SOX5: variants seen among roughly 807,000 people sequenced by gnomAD.
SOX5 encodes the protein transcription factor SOX-5.
Under a neutral mutation model 92.0 loss-of-function variants are expected in SOX5, and 9 were observed. That is an observed-to-expected ratio of 0.10 (90% CI 0.06 to 0.17). The LOEUF (loss-of-function observed/expected upper bound fraction) is 0.17. Among genes scored for constraint, SOX5 ranks in the 10% least tolerant of loss-of-function variants. The pLI is 1.00. For missense variants in SOX5, 642 were observed against 944.5 expected, an observed-to-expected ratio of 0.68 and a Z score of 4.20; for synonymous variants, 344 against 336.3, an observed-to-expected ratio of 1.02 and a Z score of -0.25.
At chr12:24,036,917 C>T (rs906033963) in intron 4 of SOX5, among the ~76,000 whole-genome samples, 2 of 152,106 alleles carry the variant, frequency 1.3e-5, no homozygotes, top group Non-Finnish European at 2.9e-5. Context: ...TTAACACACA[C>T]ATTCCATTCT....
chr12:23,854,456 T>C (rs2096666270), intron 2 of SOX5, among the ~76,000 whole-genome samples: 1 of 152,118 alleles, frequency 6.6e-6, no homozygotes, highest in South Asian at 2.1e-4. Context: ...TACAGTTATA[T>C]ATAATTGTAT....
intron 1 of SOX5, among the ~76,000 whole-genome samples, chr12:24,406,956 G>T (rs1213009268): frequency 2.0e-5 from 3 of 152,166 alleles, no homozygotes; most frequent in African/African-American, 7.2e-5. Flanking sequence ...ATGGGCAAAA[G>T]AGTTTCTTTC....
At chr12:24,168,766 C>T (rs1414567123) in intron 4 of SOX5, among the ~76,000 whole-genome samples, 3 of 152,132 alleles carry the variant, frequency 2.0e-5, no homozygotes, top group Admixed American at 6.5e-5. Context: ...ATAAACCAAA[C>T]GCCCACGGTG....
intron 8 of SOX5, among the ~76,000 whole-genome samples, chr12:23,613,883 T>C (rs1398279181): frequency 6.6e-6 from 1 of 152,002 alleles, no homozygotes; most frequent in African/African-American, 2.4e-5. Flanking sequence ...AATTAGGAAG[T>C]TAGTGTTTAA....
chr12:23,595,482 G>C (rs932614873), intron 9 of SOX5, among the ~76,000 whole-genome samples: 1 of 151,918 alleles, frequency 6.6e-6, no homozygotes, highest in African/African-American at 2.4e-5. Flanking sequence ...AATCAGCTGG[G>C]CGTGGTGGCA....
intron 2 of SOX5, among the ~76,000 whole-genome samples, chr12:24,316,153 C>T (rs1033143880): frequency 6.6e-6 from 1 of 152,200 alleles, no homozygotes; most frequent in Non-Finnish European, 1.5e-5. Flanking sequence ...ACATCAGGAA[C>T]ATGCCAGGAA....
intron 4 of SOX5, among the ~76,000 whole-genome samples, chr12:24,187,397 T>G (rs1345671932): frequency 6.6e-6 from 1 of 152,186 alleles, no homozygotes; most frequent in East Asian, 1.9e-4. Context: ...AATATTAAGA[T>G]GCTGAAAGCA....
chr12:24,482,146 C>T (rs1946063736), intron 1 of SOX5, among the ~76,000 whole-genome samples: 1 of 152,172 alleles, frequency 6.6e-6, no homozygotes, highest in Non-Finnish European at 1.5e-5. Context: ...CTTAAGGCAA[C>T]AGGAGAAGTA....
intron 8 of SOX5, among the ~76,000 whole-genome samples, chr12:23,611,546 C>T (rs193172716): frequency 1.3e-5 from 2 of 152,146 alleles, no homozygotes; most frequent in African/African-American, 4.8e-5. Context: ...CCTTTGGATA[C>T]ATGCCCAGAA....
intron 10 of SOX5, among the ~76,000 whole-genome samples, chr12:23,571,800 T>A (rs901584753): frequency 8.5e-5 from 13 of 152,188 alleles, no homozygotes; most frequent in Non-Finnish European, 1.8e-4. Context: ...ACACACAGGC[T>A]CTTTAGGTCT....
chr12:23,798,117 C>T (rs2095598012), intron 3 of SOX5, among the ~76,000 whole-genome samples: 1 of 151,668 alleles, frequency 6.6e-6, no homozygotes, highest in Admixed American at 6.6e-5. Context: ...TCCTATATTG[C>T]TTATTGTTAT....
intron 4 of SOX5, among the ~76,000 whole-genome samples, chr12:24,104,729 T>C (rs888440029): frequency 6.6e-6 from 1 of 152,242 alleles, no homozygotes; most frequent in African/African-American, 2.4e-5. Flanking sequence ...GAAATGTCTC[T>C]GCCAAAGGGC....
Position 24,503,441 on chromosome 12 carries a change from C to G in SOX5, c.-251+58888G>C, listed in dbSNP as rs10842362. On this transcript the variant is annotated intron_variant, in intron 1 of 4. Coordinates refer to the SOX5 transcript ENST00000446891. ...AAGGATAGTGTGAGGAATTATATAA[C>G]GAGGCTGAAAAATCTCACTGTAGAA... Among the ~76,000 whole-genome samples, 349 of 152,078 alleles carry G rather than the reference C, an allele frequency of 2.3e-3. 3 individuals are homozygous for G. Among genetic ancestry groups the G allele is most frequent in the African/African-American group, 8.0e-3 (330 of 41,476 alleles).
chr12:24,458,196 AT>A (rs1328824656), intron 1 of SOX5, among the ~76,000 whole-genome samples: 1 of 152,198 alleles, frequency 6.6e-6, no homozygotes, highest in African/African-American at 2.4e-5. Context: ...CGTATCCTAA[AT>A]TATTTTTAAA....
At chr12:24,446,646 T>C (rs1049254049) in intron 1 of SOX5, among the ~76,000 whole-genome samples, 1 of 152,118 alleles carries the variant, frequency 6.6e-6, no homozygotes, top group Non-Finnish European at 1.5e-5. Context: ...ATAGTGCAAG[T>C]GGGGGTGATT....
At chr12:24,024,747 TACAACC>T (rs1350551159) in intron 4 of SOX5, among the ~76,000 whole-genome samples, 52 of 152,192 alleles carry the variant, frequency 3.4e-4, no homozygotes, top group African/African-American at 1.2e-3. Flanking sequence ...TAAAAGGGAC[TACAACC>T]TTTAATCTCC....
intron 3 of SOX5, among the ~76,000 whole-genome samples, chr12:24,271,833 C>A (rs930983383): frequency 6.6e-6 from 1 of 152,144 alleles, no homozygotes; most frequent in African/African-American, 2.4e-5. Flanking sequence ...TCTATCCATG[C>A]AGGAATGCCA....
In SOX5 at chr12:23,937,997, TG is replaced by T. The variant is rs1453433880; in HGVS notation, c.38+11566del. Among the ~76,000 whole-genome samples the T allele has an allele frequency of 2.0e-5, 3 of 150,880 alleles. No homozygotes were observed. The East Asian group carries it at 5.8e-4, about 29-fold the overall frequency. On this transcript the variant is annotated intron_variant, in intron 1 of 14. Coordinates refer to ENST00000451604, the MANE Select transcript of SOX5 (RefSeq NM_006940.6). ...TTTTTTTTTCCCCAACTGTGTTCTTTGTATTCATATTCAGCCTAGGTTTTAG... is the reference window on the plus strand; with the variant it reads ...TTTTTTTTTCCCCAACTGTGTTCTTTTATTCATATTCAGCCTAGGTTTTAG...
chr12:24,008,241 C>T (rs1412146319), intron 4 of SOX5, among the ~76,000 whole-genome samples: 1 of 151,828 alleles, frequency 6.6e-6, no homozygotes, highest in African/African-American at 2.4e-5. Flanking sequence ...AATATTATGC[C>T]AAATAAACAA....
Sources: allele counts gnomAD v4.1 joint callset (sites outside exome capture counted in the v4.1 genomes callset), GRCh38; gene constraint gnomAD v4.1.1; transcripts MANE v1.5; gene names NCBI Gene and HGNC (gene_info 2026-07-23, HGNC 2026-07-21).